ANKS1B: variants seen among roughly 807,000 people sequenced by gnomAD.
ANKS1B encodes ankyrin repeat and sterile alpha motif domain containing 1B, also known as ankyrin repeat and sterile alpha motif domain-containing protein 1B.
Under a neutral mutation model 148.3 loss-of-function variants are expected in ANKS1B, and 36 were observed. The ratio of observed to expected loss-of-function variants is 0.24; its 90% confidence interval spans 0.19 to 0.32. ANKS1B has a LOEUF of 0.32. Ranked by LOEUF, ANKS1B falls within the 10% of genes least tolerant of loss-of-function variation. The probability of loss-of-function intolerance (pLI) is 1.00; values close to 1 mark genes in which losing one functional copy is unlikely to be tolerated. For missense variants in ANKS1B, 1,157 were observed against 1,542.6 expected (o/e 0.75, Z 4.19); for synonymous variants, 542 against 560.8 (o/e 0.97, Z 0.47).
At chr12:99,691,740 C>A (rs1311148990) in intron 8 of ANKS1B, among the ~76,000 whole-genome samples, 1 of 152,200 alleles carries the variant, frequency 6.6e-6, no homozygotes, top group African/African-American at 2.4e-5. Flanking sequence ...CTGTTCCAAC[C>A]TCTGCCAAAG....
chr12:99,033,487 T>G (rs2099953575), intron 17 of ANKS1B, among the ~76,000 whole-genome samples: 1 of 152,000 alleles, frequency 6.6e-6, no homozygotes, highest in Non-Finnish European at 1.5e-5. Flanking sequence ...TCAAATCAAT[T>G]TATAGAAGTA....
chr12:99,378,586 C>T (rs1468156710), intron 12 of ANKS1B, among the ~76,000 whole-genome samples: 2 of 139,302 alleles, frequency 1.4e-5, no homozygotes, highest in Admixed American at 1.6e-4. Context: ...ACCTGGGAGG[C>T]GGAGGTTGCA....
chr12:99,012,122 T>C (rs1254144742), intron 17 of ANKS1B, among the ~76,000 whole-genome samples: 3 of 152,188 alleles, frequency 2.0e-5, no homozygotes, highest in Non-Finnish European at 2.9e-5. Context: ...GTGTTTTTCA[T>C]AGACTAAACA....
intron 9 of ANKS1B, among the ~76,000 whole-genome samples, chr12:99,567,525 A>AT (rs745747802): frequency 2.6e-5 from 4 of 152,106 alleles, no homozygotes; most frequent in African/African-American, 4.8e-5. Flanking sequence ...TGGTTGTGTG[A>AT]TTTTCTCCAG....
intron 1 of ANKS1B, among the ~76,000 whole-genome samples, chr12:99,917,626 A>G (rs2094211898): frequency 6.6e-6 from 1 of 152,230 alleles, no homozygotes; most frequent in African/African-American, 2.4e-5. Context: ...TGGTTATTCA[A>G]ACATGCTTTT....
At chr12:99,973,823 C>A (rs2095591495) in intron 1 of ANKS1B, among the ~76,000 whole-genome samples, 1 of 152,122 alleles carries the variant, frequency 6.6e-6, no homozygotes, top group African/African-American at 2.4e-5. Context: ...TATGGATAAG[C>A]AAAGAAAGTG....
chr12:99,618,522 G>A (rs1400844523), intron 9 of ANKS1B, among the ~76,000 whole-genome samples: 1 of 152,114 alleles, frequency 6.6e-6, no homozygotes, highest in African/African-American at 2.4e-5. Flanking sequence ...ATCCCTGGGA[G>A]GAGAATGCTG....
chr12:99,617,275 A>G (rs1271189755), intron 9 of ANKS1B, among the ~76,000 whole-genome samples: 1 of 152,238 alleles, frequency 6.6e-6, no homozygotes, highest in Non-Finnish European at 1.5e-5. Flanking sequence ...CATTTGAGCC[A>G]GCAATCCCAT....
intron 12 of ANKS1B, among the ~76,000 whole-genome samples, chr12:99,308,012 A>G (rs2154024237): frequency 6.6e-6 from 1 of 152,180 alleles, no homozygotes; most frequent in African/African-American, 2.4e-5. Flanking sequence ...TTCTCTATCA[A>G]CCTGATCTAT....
chr12:99,032,605 T>C (rs2099952930), intron 17 of ANKS1B, among the ~76,000 whole-genome samples: 1 of 152,218 alleles, frequency 6.6e-6, no homozygotes, highest in Non-Finnish European at 1.5e-5. Flanking sequence ...CCTAAATGAA[T>C]TAGATTTATA....
intron 1 of ANKS1B, among the ~76,000 whole-genome samples, chr12:99,872,716 G>A (rs2153729875): frequency 6.6e-6 from 1 of 152,152 alleles, no homozygotes; most frequent in South Asian, 2.1e-4. Flanking sequence ...TTAGAAATTA[G>A]TGCCCTAGTC....
At chr12:99,817,007 G>A (rs2069271791) in intron 2 of ANKS1B, among the ~76,000 whole-genome samples, 1 of 151,434 alleles carries the variant, frequency 6.6e-6, no homozygotes, top group Non-Finnish European at 1.5e-5. Flanking sequence ...TACCTCAAAG[G>A]TTTATCTTTT....
intron 8 of ANKS1B, among the ~76,000 whole-genome samples, chr12:99,693,757 G>C (rs2053476808): frequency 6.6e-6 from 1 of 150,730 alleles, no homozygotes; most frequent in Non-Finnish European, 1.5e-5. Context: ...CTACACACTG[G>C]TCTTTCAACA....
At chr12:99,943,553 A>G (rs1844168) in intron 1 of ANKS1B, among the ~76,000 whole-genome samples, 48,756 of 152,006 alleles carry the variant, frequency 0.32, 8,200 homozygotes, top group Middle Eastern at 0.4. Context: ...GGAGGAGCAA[A>G]GTCATGTCCT....
At chr12:99,432,559 G>A (rs1329868674) in intron 11 of ANKS1B, among the ~76,000 whole-genome samples, 3 of 152,152 alleles carry the variant, frequency 2.0e-5, no homozygotes, top group Non-Finnish European at 4.4e-5. Flanking sequence ...TTCCAGGTGG[G>A]AAGAAAGACA....
At chr12:98,913,702 A>C (rs1230137034) in intron 17 of ANKS1B, among the ~76,000 whole-genome samples, 1 of 152,140 alleles carries the variant, frequency 6.6e-6, no homozygotes, top group Non-Finnish European at 1.5e-5. Context: ...ATCTCAGCTC[A>C]CTACAACTTC....
intron 12 of ANKS1B, among the ~76,000 whole-genome samples, chr12:99,273,571 GC>G (rs2077297625): frequency 8.2e-6 from 1 of 122,674 alleles, no homozygotes; most frequent in Non-Finnish European, 1.7e-5. Context: ...TTTTTTTTTT[GC>G]GATTTTTTTT....
At chr12:98,860,294 T>C (rs1033918451) in intron 17 of ANKS1B, among the ~76,000 whole-genome samples, 2 of 152,256 alleles carry the variant, frequency 1.3e-5, no homozygotes, top group Admixed American at 1.3e-4. Flanking sequence ...AGCTGTCCTG[T>C]GTCAGCTCTT....
intron 17 of ANKS1B, among the ~76,000 whole-genome samples, chr12:98,906,336 G>A (rs905512146): frequency 6.6e-6 from 1 of 152,162 alleles, no homozygotes; most frequent in Non-Finnish European, 1.5e-5. Flanking sequence ...CTGCAATCTG[G>A]TACCCACAGG....
Sources: gnomAD v4.1 joint callset for allele counts (sites outside exome capture counted in the v4.1 genomes callset) on GRCh38, gnomAD v4.1.1 for gene constraint, MANE v1.5 for transcripts, NCBI Gene and HGNC (gene_info 2026-07-23, HGNC 2026-07-21) for gene names.